Variants in NEBL observed in about 807,000 individuals in gnomAD.
NEBL encodes the protein nebulette.
NEBL carries 122 observed loss-of-function variants against 140.2 expected under a neutral mutation model. That is an observed-to-expected ratio of 0.87 (90% confidence interval 0.75 to 1.01). The LOEUF is 1.01. NEBL is among the 50% of genes least tolerant of loss of function. The pLI is 0.00. For missense variants in NEBL, 1,365 were observed against 1,231.3 expected, an observed-to-expected ratio of 1.11 and a Z score of -1.62; for synonymous variants, 436 against 398.9, an observed-to-expected ratio of 1.09 and a Z score of -1.11.
chr10:21,105,379 C>A (rs1837666159), intron 2 of NEBL, among the ~76,000 whole-genome samples: 1 of 151,994 alleles, frequency 6.6e-6, no homozygotes, highest in African/African-American at 2.4e-5. Context: ...ATGTTTCCCA[C>A]CCTGGGTCCA....
rs59361250 is a variant in NEBL at position 20,914,242 on chromosome 10, C to T, written c.357+47430G>A. Among the ~76,000 whole-genome samples, 617 of 152,252 alleles carry T rather than the reference C, an allele frequency of 4.1e-3. 3 individuals are homozygous for T. Among genetic ancestry groups the T allele is most frequent in the African/African-American group, 0.014 (582 of 41,548 alleles). On this transcript the variant is annotated intron_variant, in intron 4 of 6. Coordinates refer to the NEBL transcript ENST00000417816. Reference sequence around the variant, plus strand: ...GCTGGAGCTAAATGCTGGGTAAATTCGGGTGGGTCGCTATTATTCAACTAT... The same window carrying T: ...GCTGGAGCTAAATGCTGGGTAAATTTGGGTGGGTCGCTATTATTCAACTAT...
chr10:20,867,378 C>A (rs1031250799), intron 7 of NEBL, among the ~76,000 whole-genome samples: 7 of 152,084 alleles, frequency 4.6e-5, no homozygotes, highest in African/African-American at 1.7e-4. Context: ...CATCTCTCCA[C>A]TTTGAAATGT....
chr10:20,830,138 G>A (rs1840266293), intron 16 of NEBL, among the ~76,000 whole-genome samples: 1 of 152,188 alleles, frequency 6.6e-6, no homozygotes, highest in South Asian at 2.1e-4. Flanking sequence ...AGGCACACAA[G>A]TCCTCTGACA....
intron 3 of NEBL, among the ~76,000 whole-genome samples, chr10:21,203,715 C>G (rs1841780099): frequency 6.6e-6 from 1 of 152,082 alleles, no homozygotes; most frequent in Non-Finnish European, 1.5e-5. Context: ...ACAGATGGCC[C>G]CTCGAAAAGG....
chr10:21,201,732 G>A (rs1196008492), intron 3 of NEBL, among the ~76,000 whole-genome samples: 1 of 151,682 alleles, frequency 6.6e-6, no homozygotes, highest in Non-Finnish European at 1.5e-5. Flanking sequence ...ATCATTTTTG[G>A]TAATATTTTC....
intron 3 of NEBL, among the ~76,000 whole-genome samples, chr10:21,233,267 C>T (rs1379885651): frequency 1.3e-5 from 2 of 152,048 alleles, no homozygotes; most frequent in African/African-American, 2.4e-5. Flanking sequence ...AGGTTGGTCT[C>T]GAACTCCTGG....
At chr10:20,886,326 C>A (rs559194864) in intron 4 of NEBL, among the ~76,000 whole-genome samples, 2 of 151,890 alleles carry the variant, frequency 1.3e-5, no homozygotes, top group Non-Finnish European at 2.9e-5. Context: ...AGTTCAAGAC[C>A]AGCCTGGCCA....
chr10:21,192,777 A>G (rs1436409566), intron 3 of NEBL, among the ~76,000 whole-genome samples: 14 of 151,466 alleles, frequency 9.2e-5, no homozygotes, highest in Admixed American at 9.2e-4. Context: ...CCCAGGAGGC[A>G]GAGGTCACAG....
chr10:21,229,016 C>T (rs549054651), intron 3 of NEBL, among the ~76,000 whole-genome samples: 139 of 152,098 alleles, frequency 9.1e-4, no homozygotes, highest in Admixed American at 5.2e-3. Flanking sequence ...TCCCACCAAC[C>T]CATAGTGGAC....
At chr10:21,021,585 T>C (rs1283149261) in intron 2 of NEBL, among the ~76,000 whole-genome samples, 1 of 152,220 alleles carries the variant, frequency 6.6e-6, no homozygotes. Context: ...GCCCATTTTT[T>C]ATAAACTGTG....
intron 2 of NEBL, among the ~76,000 whole-genome samples, chr10:21,086,068 G>A (rs745961125): frequency 9.2e-5 from 14 of 152,070 alleles, no homozygotes; most frequent in Admixed American, 7.2e-4. Context: ...TTTCAACCAG[G>A]AGAATCTGGC....
chr10:21,283,626 T>C (rs1032985448), intron 1 of NEBL, among the ~76,000 whole-genome samples: 2 of 152,136 alleles, frequency 1.3e-5, no homozygotes, highest in Non-Finnish European at 2.9e-5. Flanking sequence ...TTATATTCCA[T>C]GTAACACACC....
At chr10:20,830,967 C>T (rs61855731) in intron 16 of NEBL, among the ~76,000 whole-genome samples, 1 of 149,466 alleles carries the variant, frequency 6.7e-6, no homozygotes, top group South Asian at 2.2e-4. Flanking sequence ...AAACAAGGAG[C>T]CCCGACAGAG....
chr10:20,860,129 T>C (rs1172034646), intron 7 of NEBL, among the ~76,000 whole-genome samples: 2 of 152,094 alleles, frequency 1.3e-5, no homozygotes, highest in African/African-American at 4.8e-5. Flanking sequence ...CTATAATCTA[T>C]GATCAGTTAG....
chr10:21,263,177 C>T (rs531291408), intron 1 of NEBL, among the ~76,000 whole-genome samples: 1 of 152,274 alleles, frequency 6.6e-6, no homozygotes, highest in Non-Finnish European at 1.5e-5. Flanking sequence ...TAGGTATTTA[C>T]CCATTTAATC....
chr10:20,787,160 G>A, intron 27 of NEBL, 42 bp downstream of exon 27: 1 of 1,416,910 alleles, frequency 7.1e-7, no homozygotes, highest in Non-Finnish European at 9.9e-7. Flanking sequence ...GAGGGGAAAT[G>A]GGAAGACCAG....
intron 3 of NEBL, among the ~76,000 whole-genome samples, chr10:21,193,741 T>C (rs1047618202): frequency 6.6e-6 from 1 of 152,202 alleles, no homozygotes; most frequent in African/African-American, 2.4e-5. Flanking sequence ...ATTGTGCCCT[T>C]GATTCTTTAT....
intron 3 of NEBL, among the ~76,000 whole-genome samples, chr10:21,232,442 G>A (rs1296265577): frequency 6.6e-6 from 1 of 152,116 alleles, no homozygotes; most frequent in Non-Finnish European, 1.5e-5. Flanking sequence ...TTATTACATT[G>A]TAATATATGA....
chr10:21,146,554 G>A (rs771686958), intron 2 of NEBL: 1 of 1,470,426 alleles, frequency 6.8e-7, no homozygotes, highest in Non-Finnish European at 9.3e-7. Context: ...TGCTGTGTTT[G>A]GGCATTGTTA....
Sources: gnomAD v4.1 joint callset for allele counts (sites outside exome capture counted in the v4.1 genomes callset) on GRCh38, gnomAD v4.1.1 for gene constraint, MANE v1.5 for transcripts, NCBI Gene and HGNC (gene_info 2026-07-23, HGNC 2026-07-21) for gene names.